STRBP: variants seen among roughly 807,000 people sequenced by gnomAD.
STRBP encodes spermatid perinuclear RNA binding protein.
STRBP carries 13 observed loss-of-function variants against 80.1 expected under a neutral mutation model. The observed-to-expected ratio is 0.16, with a 90% CI of 0.11 to 0.26. STRBP has a LOEUF of 0.26. Among genes scored for constraint, STRBP ranks in the 10% least tolerant of loss-of-function variants. The pLI, the probability that STRBP is intolerant of heterozygous loss-of-function variation, is 1.00. For synonymous variants in STRBP, 284 were observed against 291.2 expected (o/e 0.98, Z 0.25); for missense variants, 485 against 815.2 (o/e 0.59, Z 4.93).
Position 123,161,016 on chromosome 9 carries a change from C to A in STRBP, c.588G>T (p.Leu196=). ...PPDLLDRQKC[L]NALASLRHAK... is the part of the protein sequence containing the mutation. ...CATGTCGAAGAGACGCCAAGGCGTT[C>A]AGGCATTTCTGCCTGTCCAATAAGT... The change falls in exon 7 of 19, where the codon CTG becomes CTT. Residue 196 remains leucine (L), a synonymous_variant. Coordinates refer to ENST00000348403, the MANE Select transcript of STRBP (RefSeq NM_018387.5). 1 of 1,593,454 alleles carries A rather than the reference C, an allele frequency of 6.3e-7. No homozygotes were observed. Among genetic ancestry groups the A allele is most frequent in the African/African-American group, 1.4e-5 (1 of 73,090 alleles).
intron 2 of STRBP, chr9:123,213,627 AG>A (rs964484894): frequency 3.9e-5 from 6 of 152,256 alleles, no homozygotes; most frequent in African/African-American, 1.4e-4. Context: ...AGCCAGGACT[AG>A]AATCAGACCA....
At chr9:123,185,743 T>A (rs1217273185) in intron 2 of STRBP, among the ~76,000 whole-genome samples, 1 of 152,164 alleles carries the variant, frequency 6.6e-6, no homozygotes, top group Non-Finnish European at 1.5e-5. Flanking sequence ...CCAAAAACGA[T>A]TGCTATGTGT....
chr9:123,227,555 T>C (rs1206816683), intron 2 of STRBP, among the ~76,000 whole-genome samples: 6 of 141,442 alleles, frequency 4.2e-5, no homozygotes, highest in African/African-American at 1.5e-4. Flanking sequence ...TGTTTTCTCT[T>C]TTTTTTTTTT....
chr9:123,136,435 C>T lies in STRBP; in HGVS notation c.1578G>A (p.Lys526=), dbSNP rs1483816009. 1 of 1,614,176 alleles carries T rather than the reference C, an allele frequency of 6.2e-7. No homozygotes were observed. Residue 526 remains lysine, a synonymous_variant, in exon 15 of 19, where the codon AAG becomes AAA. Transcript: ENST00000348403. This position sits in a 1 kb window ranked among gnomAD's most constrained non-coding sequence, Gnocchi z 4.2. The part of the protein sequence containing the change: ...MELNEKRRGL[K]YELISETGGS... ...CACCAGTCTCTGAGATGAGTTCATA[C>T]TTGAGACCTCTTCTTTTTTCATTGA...
At chr9:123,195,400 C>T (rs573699392) in intron 2 of STRBP, among the ~76,000 whole-genome samples, 10 of 152,130 alleles carry the variant, frequency 6.6e-5, no homozygotes, top group African/African-American at 2.4e-4. Flanking sequence ...TGGAAAGAAG[C>T]CAAATTATCC....
chr9:123,188,681 T>A (rs780206033), intron 2 of STRBP, among the ~76,000 whole-genome samples: 1 of 152,120 alleles, frequency 6.6e-6, no homozygotes, highest in Non-Finnish European at 1.5e-5. Context: ...CAAACAACTA[T>A]GCTATCTATA....
chr9:123,168,274 A>T, intron 6 of STRBP: 1 of 975,974 alleles, frequency 1.0e-6, no homozygotes, highest in Non-Finnish European at 1.2e-6. Context: ...AAAAAAATTA[A>T]GCCATTTAAG....
At chr9:123,169,838 A>T (rs1434407044) in intron 6 of STRBP, 64 bp downstream of exon 6, 3 of 1,006,146 alleles carry the variant, frequency 3.0e-6, no homozygotes, top group Admixed American at 4.3e-5. Context: ...CATAGCTTTT[A>T]TATGAAGAAA....
At chr9:123,191,966 G>GGTTT in intron 2 of STRBP, among the ~76,000 whole-genome samples, 2 of 152,306 alleles carry the variant, frequency 1.3e-5, no homozygotes, top group South Asian at 4.1e-4. Flanking sequence ...GAGGTTTAGT[G>GGTTT]ATCATATTCT....
chr9:123,192,750 G>A (rs1309271677), intron 2 of STRBP, among the ~76,000 whole-genome samples: 1 of 152,044 alleles, frequency 6.6e-6, no homozygotes, highest in African/African-American at 2.4e-5. Flanking sequence ...TACCATTTAC[G>A]GGGATTTATC....
At chr9:123,255,732 A>G (rs569748188) in intron 1 of STRBP, among the ~76,000 whole-genome samples, 1 of 152,330 alleles carries the variant, frequency 6.6e-6, no homozygotes, top group East Asian at 1.9e-4. Flanking sequence ...CTATATCAAA[A>G]TGAAGGCACG....
intron 2 of STRBP, among the ~76,000 whole-genome samples, chr9:123,211,490 C>T (rs537540055): frequency 2.0e-4 from 30 of 151,950 alleles, no homozygotes; most frequent in African/African-American, 6.3e-4. Flanking sequence ...AAGTACCTAC[C>T]TTTTTTTTCC....
intron 2 of STRBP, 126 bp from the exon 3 acceptor site, chr9:123,184,424 G>C (rs2038614440): frequency 3.9e-6 from 1 of 256,528 alleles, no homozygotes; most frequent in Non-Finnish European, 7.3e-6. Flanking sequence ...AATTCCCTCA[G>C]TTCAAACAAA....
intron 8 of STRBP, among the ~76,000 whole-genome samples, chr9:123,159,579 C>T (rs1163614629): frequency 6.6e-6 from 1 of 152,166 alleles, no homozygotes; most frequent in Admixed American, 6.5e-5. Flanking sequence ...TAATCTCCCA[C>T]TTAGGAAGCA....
At chr9:123,224,352 G>A (rs141591650) in intron 2 of STRBP, among the ~76,000 whole-genome samples, 6 of 152,172 alleles carry the variant, frequency 3.9e-5, no homozygotes, top group East Asian at 1.9e-4. Flanking sequence ...TAACTCTCTC[G>A]CAGTTCAGGA....
chr9:123,258,064 A>T (rs981394378), intron 1 of STRBP, among the ~76,000 whole-genome samples: 2 of 152,088 alleles, frequency 1.3e-5, no homozygotes, highest in African/African-American at 4.8e-5. Context: ...TCCAAAGAAA[A>T]ACTGAAATTA....
intron 11 of STRBP, among the ~76,000 whole-genome samples, chr9:123,153,456 G>A (rs1295679903): frequency 6.6e-6 from 1 of 152,162 alleles, no homozygotes; most frequent in East Asian, 1.9e-4. Context: ...CTCCCAAAGT[G>A]CTGGGATTAC....
chr9:123,215,601 A>G (rs1253121951), intron 2 of STRBP, among the ~76,000 whole-genome samples: 1 of 152,168 alleles, frequency 6.6e-6, no homozygotes, highest in African/African-American at 2.4e-5. Flanking sequence ...CCTGGCCAAC[A>G]TGGTGAAACC....
chr9:123,179,394 T>C (rs2038358894), intron 3 of STRBP, among the ~76,000 whole-genome samples, 167 bp from the exon 4 acceptor site: 1 of 152,192 alleles, frequency 6.6e-6, no homozygotes. Context: ...AAAATCCCAT[T>C]CTACTGAACT....
Sources: gnomAD v4.1 joint callset for allele counts (sites outside exome capture counted in the v4.1 genomes callset) on GRCh38, gnomAD v4.1.1 for gene constraint, Gnocchi (gnomAD v3.1) non-coding constraint, MANE v1.5 for transcripts, NCBI Gene and HGNC (gene_info 2026-07-23, HGNC 2026-07-21) for gene names.